ADAM29: variants seen among roughly 807,000 people sequenced by gnomAD.
ADAM29 encodes the protein ADAM metallopeptidase domain 29, also known as disintegrin and metalloproteinase domain-containing protein 29.
For missense variants in ADAM29, 969 were observed against 1,001.8 expected (o/e 0.97, Z 0.44); for synonymous variants, 367 against 342.3 (o/e 1.07, Z -0.80).
rs73003722 is a variant in ADAM29 at position 174,943,482 on chromosome 4, G to A, written c.-181+6469G>A. Among the ~76,000 whole-genome samples the A allele has an allele frequency of 1.6e-3, 244 of 152,284 alleles. 1 individual carries two copies. Among genetic ancestry groups the A allele is most frequent in the African/African-American group, 5.7e-3 (235 of 41,566 alleles). ...AATGACAACTATGGTGGAAGGCAAA[G>A]GGGAAGCAAGTAACATCTTATATAG... On this transcript the variant is annotated intron_variant, in intron 4 of 4. Coordinates refer to ENST00000359240, the MANE Select transcript of ADAM29 (RefSeq NM_014269.4).
At chr4:174,973,088 G>T (rs151260609) in intron 4 of ADAM29, among the ~76,000 whole-genome samples, 154 of 152,296 alleles carry the variant, frequency 1.0e-3, no homozygotes, top group African/African-American at 3.3e-3. Flanking sequence ...TGAAAGCTGA[G>T]ATTTCTTATC....
At chr4:174,960,186 A>G (rs1745728164) in intron 4 of ADAM29, among the ~76,000 whole-genome samples, 1 of 151,848 alleles carries the variant, frequency 6.6e-6, no homozygotes, top group Non-Finnish European at 1.5e-5. Context: ...TTTTTTGCTC[A>G]CTTAGTGTTT....
At chr4:174,934,679 G>C (rs1744100594) in intron 3 of ADAM29, among the ~76,000 whole-genome samples, 1 of 152,128 alleles carries the variant, frequency 6.6e-6, no homozygotes. Context: ...CATCCCCAGA[G>C]ATTCTGACTC....
intron 4 of ADAM29, among the ~76,000 whole-genome samples, chr4:174,962,936 A>G (rs1231282501): frequency 6.6e-6 from 1 of 152,184 alleles, no homozygotes; most frequent in African/African-American, 2.4e-5. Context: ...TGCTCTACCA[A>G]TGCAAAAATG....
chr4:174,965,868 T>A (rs1746130240), intron 4 of ADAM29, among the ~76,000 whole-genome samples: 1 of 152,174 alleles, frequency 6.6e-6, no homozygotes, highest in Non-Finnish European at 1.5e-5. Flanking sequence ...AGATTAGGGC[T>A]TCAACATGTG....
chr4:174,976,409 G>C lies in ADAM29; in HGVS notation c.884G>C (p.Arg295Thr). ...TSHLFTTLGLRGLSGIGAFRG... is the reference protein window; with the variant it reads ...TSHLFTTLGLTGLSGIGAFRG... ...CATCTTTTCACAACTCTAGGATTAA[G>C]AGGGTTAAGTGGCATAGGAGCTTTT... Residue 295 changes from arginine (R) to threonine (T), a missense_variant, in exon 5 of 5, where the codon AGA becomes ACA. Coordinates refer to ENST00000359240, the MANE Select transcript of ADAM29 (RefSeq NM_014269.4). 1 of 1,598,122 alleles carries C rather than the reference G, an allele frequency of 6.3e-7. No individual in the cohort carries two copies. Among genetic ancestry groups the C allele is most frequent in the African/African-American group, 1.3e-5 (1 of 74,456 alleles).
Position 174,926,721 on chromosome 4 carries a change from CAAAAAAAAA to C in ADAM29, c.-450-4256_-450-4248del, listed in dbSNP as rs34308315. Among the ~76,000 whole-genome samples the C allele has an allele frequency of 3.2e-3, 345 of 107,614 alleles. 2 individuals are homozygous for C. The highest frequency in any genetic ancestry group is 0.01 in the African/African-American group (333 of 32,514). 70.6% of individuals were successfully genotyped at this position (107,614 alleles called of 152,430 possible). On this transcript the variant is annotated intron_variant, in intron 2 of 4. Transcript: ENST00000359240. ...CTAGGTGACAGAGCAAGACCATGTCCAAAAAAAAAAAAAAAAATGAAACATAACAACAAA... is the reference window on the plus strand; with the variant it reads ...CTAGGTGACAGAGCAAGACCATGTCCAAAAAAAATGAAACATAACAACAAA...
chr4:174,938,086 G>C (rs1003145115), intron 4 of ADAM29, among the ~76,000 whole-genome samples: 2 of 152,130 alleles, frequency 1.3e-5, no homozygotes, highest in Non-Finnish European at 2.9e-5. Context: ...TATCTGAAAA[G>C]ACATTGGGGA....
In ADAM29 at chr4:174,976,006, A is replaced by G. The variant is rs1553981032; in HGVS notation, c.481A>G (p.Thr161Ala). 1.9e-6 allele frequency: 3 copies of G among 1,613,832 alleles called. No homozygotes were observed. Among genetic ancestry groups the G allele is most frequent in the Non-Finnish European group, 2.5e-6 (3 of 1,179,986 alleles). ...KMDSEEKQFS[T>A]MRSGFMQNEI... ...GGACAGTGAGGAGAAACAATTTTCA[A>G]CCATGAGATCCGGATTTATGCAAAA... The change falls in exon 5 of 5, where the codon ACC becomes GCC. Residue 161 changes from threonine to alanine, a missense_variant. By Grantham distance (58) the Thr-to-Ala change is moderately conservative (BLOSUM62 0). Transcript: ENST00000359240.
Position 174,975,788 on chromosome 4 carries a change from C to T in ADAM29, c.263C>T (p.Ala88Val), listed in dbSNP as rs763167497. The stretch of plus-strand genomic sequence containing the variant: ...GTGTTCACCTACACAGACCAGGGTG[C>T]TATCCTTGAGGACCAGCCATTTGTC... ...LPVFTYTDQG[A>V]ILEDQPFVQN... The change falls in exon 5 of 5, where the codon GCT (alanine) becomes GTT (valine). Residue 88 changes from alanine (A) to valine (V), a missense_variant. By Grantham distance (64) the Ala-to-Val change is moderately conservative. Transcript: ENST00000359240. 5 of 1,614,140 alleles carry T rather than the reference C, an allele frequency of 3.1e-6. No individual in the cohort carries two copies. Among genetic ancestry groups the T allele is most frequent in the Non-Finnish European group, 8.5e-7 (1 of 1,180,032 alleles).
intron 4 of ADAM29, among the ~76,000 whole-genome samples, chr4:174,950,693 T>C (rs1470551340): frequency 6.6e-6 from 1 of 152,230 alleles, no homozygotes; most frequent in Non-Finnish European, 1.5e-5. Flanking sequence ...CATGTGTATA[T>C]ATACATACTT....
At chr4:174,945,788 G>A (rs1028790257) in intron 4 of ADAM29, among the ~76,000 whole-genome samples, 1 of 152,112 alleles carries the variant, frequency 6.6e-6, no homozygotes, top group African/African-American at 2.4e-5. Context: ...CTTTGTTGAA[G>A]ATCAGATGGT....
chr4:174,943,802 C>T (rs1002021062), intron 4 of ADAM29, among the ~76,000 whole-genome samples: 1 of 96,644 alleles, frequency 1.0e-5, no homozygotes, highest in Admixed American at 1.3e-4. Context: ...ATGAGCCTTA[C>T]CACAAATGTA....
chr4:174,927,740 G>T (rs1743600615), intron 2 of ADAM29, among the ~76,000 whole-genome samples: 1 of 152,068 alleles, frequency 6.6e-6, no homozygotes. Flanking sequence ...TTATGGCGAG[G>T]TCCCTCTTGC....
Position 174,976,091 on chromosome 4 carries a change from C to A in ADAM29, c.566C>A (p.Ser189Tyr), listed in dbSNP as rs780023401. ...EIDNSTQKQS[S>Y]YVGWWIHFRI... is the part of the protein sequence containing the mutation. Reference sequence around the variant, plus strand: ...GATAATTCCACTCAGAAGCAAAGTTCTTATGTGGGCTGGTGGATCCATTTT... The same window carrying A: ...GATAATTCCACTCAGAAGCAAAGTTATTATGTGGGCTGGTGGATCCATTTT... The change falls in exon 5 of 5, where the codon TCT (serine) becomes TAT (tyrosine). Residue 189 changes from serine to tyrosine, a missense_variant. Ser to Tyr is a moderately radical substitution (Grantham distance 144, BLOSUM62 -2). Coordinates refer to ENST00000359240, the MANE Select transcript of ADAM29 (RefSeq NM_014269.4). 2.5e-6 allele frequency: 4 copies of A among 1,611,972 alleles called. No homozygotes were observed. In the South Asian group the frequency reaches 3.3e-5, roughly 13 times the overall value.
intron 2 of ADAM29, among the ~76,000 whole-genome samples, chr4:174,927,000 A>C (rs1743560983): frequency 6.6e-6 from 1 of 152,238 alleles, no homozygotes; most frequent in African/African-American, 2.4e-5. Context: ...TAAATGTCAA[A>C]TATACTTATC....
intron 4 of ADAM29, among the ~76,000 whole-genome samples, chr4:174,955,337 AAAG>A (rs199605461): frequency 0.018 from 2,769 of 152,180 alleles, 39 homozygotes; most frequent in South Asian, 0.032. Flanking sequence ...AAGATTTAAA[AAAG>A]AAGAAGAAGA....
At chr4:174,955,737 G>T (rs1409584866) in intron 4 of ADAM29, among the ~76,000 whole-genome samples, 3 of 151,948 alleles carry the variant, frequency 2.0e-5, no homozygotes, top group African/African-American at 7.2e-5. Context: ...GTACAAAGTT[G>T]CAAAAGCTAA....
chr4:174,930,330 C>T (rs891342194), intron 2 of ADAM29, among the ~76,000 whole-genome samples: 1 of 152,166 alleles, frequency 6.6e-6, no homozygotes, highest in African/African-American at 2.4e-5. Context: ...ATAATTAAAG[C>T]AATTTTCACA....
Sources: gnomAD v4.1 joint callset for allele counts (sites outside exome capture counted in the v4.1 genomes callset) on GRCh38, gnomAD v4.1.1 for gene constraint, MANE v1.5 for transcripts, NCBI Gene and HGNC (gene_info 2026-07-23, HGNC 2026-07-21) for gene names.